Variants in TTYH2 observed in about 807,000 individuals in gnomAD.
The protein encoded by TTYH2 is tweety family member 2.
In TTYH2, 49 loss-of-function variants were observed where a neutral mutation model predicts 68.3. That is an observed-to-expected ratio of 0.72 (90% CI 0.57 to 0.91). The LOEUF (loss-of-function observed/expected upper bound fraction) is 0.91, where lower values mean the gene tolerates loss of function less well. Ranked by LOEUF, TTYH2 falls within the 40% of genes least tolerant of loss-of-function variation. The pLI, the probability that TTYH2 is intolerant of heterozygous loss-of-function variation, is 0.00. For missense variants in TTYH2, 631 were observed against 700.4 expected (o/e 0.90, Z 1.12); for synonymous variants, 272 against 300.8 (o/e 0.90, Z 0.99).
At chr17:74,254,339 T>C (rs958143459) in intron 13 of TTYH2, among the ~76,000 whole-genome samples, 1 of 152,198 alleles carries the variant, frequency 6.6e-6, no homozygotes, top group Non-Finnish European at 1.5e-5. Flanking sequence ...GGCTAATTTT[T>C]GTATTTTTAG....
At chr17:74,255,021 T>G (rs2050679013) in intron 13 of TTYH2, among the ~76,000 whole-genome samples, 1 of 151,914 alleles carries the variant, frequency 6.6e-6, no homozygotes, top group South Asian at 2.1e-4. Context: ...CTCAGGGGAG[T>G]AGCTCAGGGT....
intron 10 of TTYH2, among the ~76,000 whole-genome samples, chr17:74,251,093 GTC>G (rs2050619482): frequency 1.3e-5 from 2 of 151,010 alleles, no homozygotes; most frequent in Non-Finnish European, 3.0e-5. Context: ...TGGTGTATAT[GTC>G]TGTGCGTGTG....
At chr17:74,218,279 C>T (rs1446767783) in intron 1 of TTYH2, among the ~76,000 whole-genome samples, 1 of 152,000 alleles carries the variant, frequency 6.6e-6, no homozygotes, top group Non-Finnish European at 1.5e-5. Context: ...AATTCCTTTT[C>T]CCCCTACACC....
At chr17:74,256,604 G>A (rs578138537) in intron 13 of TTYH2, among the ~76,000 whole-genome samples, 4 of 152,266 alleles carry the variant, frequency 2.6e-5, no homozygotes, top group South Asian at 2.1e-4. Context: ...TGGGGTCCCC[G>A]GGAGTGGGCT....
Position 74,214,283 on chromosome 17 carries a change from A to G in TTYH2, c.129+567A>G, listed in dbSNP as rs893988991. 6.6e-6 allele frequency among the ~76,000 whole-genome samples: 1 copy of G among 152,116 alleles called. No individual in the cohort carries two copies. Among genetic ancestry groups the G allele is most frequent in the African/African-American group, 2.4e-5 (1 of 41,408 alleles). On this transcript the variant is annotated intron_variant, in intron 1 of 13. Coordinates refer to ENST00000269346, the MANE Select transcript of TTYH2 (RefSeq NM_032646.6). This position sits in a 1 kb window ranked among gnomAD's most constrained non-coding sequence, Gnocchi z 4.6. ...GCTGGAAGGCTGCAGGGCTTGGGGA[A>G]GCGGTGTGGGTCACTTCCCCTCTAG...
chr17:74,255,733 G>A (rs1010961167), intron 13 of TTYH2, among the ~76,000 whole-genome samples: 6 of 152,136 alleles, frequency 3.9e-5, no homozygotes, highest in East Asian at 3.9e-4. Flanking sequence ...CACCGTGCCC[G>A]GCCAGAGCTG....
intron 2 of TTYH2, among the ~76,000 whole-genome samples, chr17:74,229,230 G>A (rs1311799640): frequency 1.3e-5 from 2 of 152,128 alleles, no homozygotes; most frequent in African/African-American, 4.8e-5. Context: ...TTGGCAATGA[G>A]TATGTGATCT....
At chr17:74,229,457 C>T (rs190520896) in intron 2 of TTYH2, among the ~76,000 whole-genome samples, 1 of 152,204 alleles carries the variant, frequency 6.6e-6, no homozygotes, top group East Asian at 1.9e-4. Context: ...GACCCTGAAC[C>T]TTCACCTCCC....
chr17:74,221,445 C>G (rs1340688839), intron 1 of TTYH2, among the ~76,000 whole-genome samples: 2 of 152,124 alleles, frequency 1.3e-5, no homozygotes, highest in Non-Finnish European at 1.5e-5. Context: ...TTGCCACCCC[C>G]TGCATAGGAC....
Position 74,237,358 on chromosome 17 carries a change from T to A in TTYH2, c.479T>A (p.Ile160Asn), listed in dbSNP as rs994975593. Residue 160 changes from isoleucine (I) to asparagine (N), a missense_variant, in exon 4 of 14, where the codon ATC becomes AAC. By Grantham distance (149) the Ile-to-Asn change is moderately radical (BLOSUM62 -3). Coordinates refer to ENST00000269346, the MANE Select transcript of TTYH2 (RefSeq NM_032646.6). ...LEQHLARLSEIFAARGDYLQT... is the reference protein window; with the variant it reads ...LEQHLARLSENFAARGDYLQT... ...CAGCACCTGGCCCGGCTCAGTGAGATCTTTGCTGCCCGGGGCGATTACCTG... is the reference window on the plus strand; with the variant it reads ...CAGCACCTGGCCCGGCTCAGTGAGAACTTTGCTGCCCGGGGCGATTACCTG... The A allele has an allele frequency of 2.5e-6, 4 of 1,614,094 alleles. No individual in the cohort carries two copies. The highest frequency in any genetic ancestry group is 3.4e-6 in the Non-Finnish European group (4 of 1,180,004).
In TTYH2 at chr17:74,260,371, G is replaced by A; in HGVS notation, c.*162G>A. 2.9e-6 allele frequency: 2 copies of A among 691,916 alleles called. No individual in the cohort carries two copies. The highest frequency in any genetic ancestry group is 1.8e-5 in the African/African-American group (1 of 56,292). 42.9% of individuals were successfully genotyped at this position (691,916 alleles called of 1,614,324 possible). The stretch of plus-strand genomic sequence containing the variant: ...ATTCCCGACCAAAGCCCCAGGGGGT[G>A]CAGAAGACTCACCACGCGGGCCAGC... On this transcript the variant is annotated 3_prime_UTR_variant, in exon 14 of 14. Transcript: ENST00000269346.
intron 3 of TTYH2, among the ~76,000 whole-genome samples, chr17:74,234,656 T>TC (rs373303798): frequency 6.6e-6 from 1 of 152,084 alleles, no homozygotes; most frequent in Admixed American, 6.5e-5. Flanking sequence ...TCTTTTTTTT[T>TC]CCCCCTAAGG....
intron 3 of TTYH2, among the ~76,000 whole-genome samples, chr17:74,235,819 G>A (rs191905637): frequency 2.3e-4 from 35 of 151,648 alleles, no homozygotes; most frequent in African/African-American, 6.8e-4. Flanking sequence ...ACTTGAACCC[G>A]GGAGGCGGAG....
chr17:74,218,530 TCAAA>T (rs2050243513), intron 1 of TTYH2, among the ~76,000 whole-genome samples: 1 of 121,282 alleles, frequency 8.2e-6, no homozygotes, highest in Non-Finnish European at 1.7e-5. Context: ...AAAAAGGAAA[TCAAA>T]AAAAAAAAAA....
intron 13 of TTYH2, among the ~76,000 whole-genome samples, chr17:74,257,237 A>G (rs1176646488): frequency 6.6e-6 from 1 of 152,206 alleles, no homozygotes; most frequent in African/African-American, 2.4e-5. Flanking sequence ...TGCAAGGCTC[A>G]AGGACAGAAA....
chr17:74,227,505 T>C (rs2050342250), intron 2 of TTYH2, among the ~76,000 whole-genome samples: 1 of 152,172 alleles, frequency 6.6e-6, no homozygotes, highest in Admixed American at 6.5e-5. Flanking sequence ...AAGTTACAAA[T>C]TGGAGGGTCA....
At chr17:74,252,524 G>C (rs2050644478) in intron 11 of TTYH2, 148 bp downstream of exon 11, 2 of 1,033,000 alleles carry the variant, frequency 1.9e-6, no homozygotes, top group Admixed American at 2.8e-5. Context: ...CAGGCTGGCT[G>C]ACTTCTACAG....
At chr17:74,240,358 G>A (rs578161812) in intron 4 of TTYH2, among the ~76,000 whole-genome samples, 51 of 151,872 alleles carry the variant, frequency 3.4e-4, no homozygotes, top group Admixed American at 7.9e-4. Context: ...AAAATTGCTT[G>A]AACCCAGGAA....
chr17:74,249,443 C>G, intron 8 of TTYH2, 44 bp downstream of exon 8: 1 of 1,601,452 alleles, frequency 6.2e-7, no homozygotes, highest in Non-Finnish European at 8.5e-7. Flanking sequence ...CACAGCCGCT[C>G]CCCCTTGACC....
Sources: gnomAD v4.1 joint callset for allele counts (sites outside exome capture counted in the v4.1 genomes callset) on GRCh38, gnomAD v4.1.1 for gene constraint, Gnocchi (gnomAD v3.1) non-coding constraint, MANE v1.5 for transcripts, NCBI Gene and HGNC (gene_info 2026-07-23, HGNC 2026-07-21) for gene names.